Variants in EIF3B observed in about 807,000 individuals in gnomAD.
EIF3B encodes eukaryotic translation initiation factor 3 subunit 9.
Under a neutral mutation model 104.6 loss-of-function variants are expected in EIF3B, and 10 were observed. That is an observed-to-expected ratio of 0.10 (90% CI 0.06 to 0.16). EIF3B has a LOEUF of 0.16. Among genes scored for constraint, EIF3B ranks in the 10% least tolerant of loss-of-function variants. The pLI is 1.00. For missense variants in EIF3B, 1,014 were observed against 1,087.9 expected (o/e 0.93, Z 0.96); for synonymous variants, 542 against 417.2 (o/e 1.30, Z -3.65).
intron 1 of EIF3B, among the ~76,000 whole-genome samples, chr7:2,358,170 G>T (rs186168803): frequency 2.6e-5 from 4 of 151,758 alleles, no homozygotes; most frequent in Non-Finnish European, 2.9e-5. Flanking sequence ...CGCAGCCTCT[G>T]CCTCCCCGCT....
At chr7:2,360,438 T>C (rs1779668216) in intron 1 of EIF3B, among the ~76,000 whole-genome samples, 1 of 152,214 alleles carries the variant, frequency 6.6e-6, no homozygotes, top group African/African-American at 2.4e-5. Context: ...AGCTTTTCAC[T>C]GTTATTCTCC....
At chr7:2,373,101 T>C (rs1780446556) in intron 12 of EIF3B, 3 of 217,752 alleles carry the variant, frequency 1.4e-5, no homozygotes, top group Non-Finnish European at 2.7e-5. Flanking sequence ...GTCCCTGGGC[T>C]TGGGGTCACT....
intron 2 of EIF3B, 111 bp from the exon 3 acceptor site, chr7:2,362,534 C>T: frequency 7.3e-7 from 1 of 1,375,922 alleles, no homozygotes; most frequent in Non-Finnish European, 1.0e-6. Context: ...GGAAGAGCAG[C>T]ACAGATACTC....
intron 5 of EIF3B, 147 bp downstream of exon 5, chr7:2,363,907 C>A: frequency 2.1e-6 from 2 of 949,250 alleles, no homozygotes; most frequent in Non-Finnish European, 3.0e-6. Context: ...TTCTTTTATT[C>A]CTCTTCCAGC....
intron 9 of EIF3B, among the ~76,000 whole-genome samples, chr7:2,368,407 C>T (rs559125294): frequency 1.3e-5 from 2 of 152,358 alleles, no homozygotes; most frequent in African/African-American, 2.4e-5. Context: ...GCCTCAGCCT[C>T]TCAAAGTGCA....
In EIF3B at chr7:2,369,568, C is replaced by T. The variant is rs182549563; in HGVS notation, c.1500C>T (p.Thr500=). ...GGGTAACCCTGATGCAGCTCCCTAC[C>T]AGGCAAGAGATCCGAGTGAGGAACC... ...PARVTLMQLP[T]RQEIRVRNLF... Residue 500 remains threonine (T), a synonymous_variant, in exon 10 of 19, where the codon ACC becomes ACT. Coordinates refer to ENST00000360876, the MANE Select transcript of EIF3B (RefSeq NM_001037283.2). The T allele has an allele frequency of 1.1e-5, 18 of 1,614,088 alleles. No individual in the cohort carries two copies. Among genetic ancestry groups the T allele is most frequent in the Non-Finnish European group, 1.4e-5 (17 of 1,180,026 alleles).
chr7:2,372,383 C>T (rs1293305701), intron 11 of EIF3B, among the ~76,000 whole-genome samples: 2 of 152,318 alleles, frequency 1.3e-5, no homozygotes, highest in Admixed American at 6.5e-5. Context: ...GCGAGGGAAG[C>T]GGCATCCACA....
rs1445908087 is a variant in EIF3B at position 2,355,124 on chromosome 7, C to T, written c.203C>T (p.Thr68Ile). The T allele has an allele frequency of 8.6e-6, 12 of 1,401,638 alleles. No homozygotes were observed. The highest frequency in any genetic ancestry group is 3.5e-5 in the Admixed American group (1 of 28,564). 86.8% of individuals were successfully genotyped at this position (1,401,638 alleles called of 1,614,324 possible). A position where few individuals can be genotyped will look rare whatever the true frequency, so the allele number is the denominator to read the frequency against. Residue 68 changes from threonine (T) to isoleucine (I), a missense_variant, in exon 1 of 19, where the codon ACC (threonine) becomes ATC (isoleucine). Coordinates refer to ENST00000360876, the MANE Select transcript of EIF3B (RefSeq NM_001037283.2). ...AEAGPESEVRTEPAAEAEAAS... is the reference protein window; with the variant it reads ...AEAGPESEVRIEPAAEAEAAS... ...GCCGGGCCGGAGTCCGAGGTGAGGA[C>T]CGAGCCGGCGGCCGAGGCAGAGGCG...
At position 2,363,193 on chromosome 7, in the gene EIF3B, C is replaced by G. The variant is rs1554273573; in HGVS notation, c.870+66C>G. ...TGCTGCTGGGTGTGGTGGGTCACAC[C>G]TGCAATCCCAGCACTTAGGGAGGCT... On this transcript the variant is annotated intron_variant, in intron 4 of 18. Coordinates refer to ENST00000360876, the MANE Select transcript of EIF3B (RefSeq NM_001037283.2). 2.3e-5 allele frequency: 34 copies of G among 1,503,404 alleles called. No individual in the cohort carries two copies. In the South Asian group the frequency reaches 3.6e-4, roughly 16 times the overall value. The allele number at this position is 1,503,404 out of a possible 1,614,324, so 93.1% of individuals were successfully genotyped here. A position where few individuals can be genotyped will look rare whatever the true frequency, so the allele number is the denominator to read the frequency against.
chr7:2,366,896 C>A, intron 8 of EIF3B, 103 bp from the exon 9 acceptor site: 1 of 1,275,706 alleles, frequency 7.8e-7, no homozygotes, highest in South Asian at 1.3e-5. Context: ...GCCCCCTAGG[C>A]AAACTCACAT....
intron 6 of EIF3B, among the ~76,000 whole-genome samples, chr7:2,365,667 G>GTTTTTT (rs138137672): frequency 9.3e-6 from 1 of 107,852 alleles, no homozygotes; most frequent in African/African-American, 3.1e-5. Flanking sequence ...TTGTTTGTTT[G>GTTTTTT]TTTGTTTGTT....
intron 12 of EIF3B, chr7:2,373,930 A>G (rs1365492365): frequency 6.6e-6 from 1 of 152,132 alleles, no homozygotes; most frequent in African/African-American, 2.4e-5. Flanking sequence ...AGCCTGCCCC[A>G]TGCCTCTTTT....
Position 2,354,843 on chromosome 7 carries a change from C to A in EIF3B, c.-79C>A. The A allele has an allele frequency of 9.5e-7, 1 of 1,051,536 alleles. No individual in the cohort carries two copies. The highest frequency in any genetic ancestry group is 1.1e-6 in the Non-Finnish European group (1 of 872,216). The allele number at this position is 1,051,536 out of a possible 1,614,324, so 65.1% of individuals were successfully genotyped here. A position where few individuals can be genotyped will look rare whatever the true frequency, so the allele number is the denominator to read the frequency against. On this transcript the variant is annotated 5_prime_UTR_variant, in exon 1 of 19. Coordinates refer to ENST00000360876, the MANE Select transcript of EIF3B (RefSeq NM_001037283.2). ...CGCACGCACATGGCTGGGCTGTAGC[C>A]GTCGCGGCGCGCGGTGCGGCCTGGG... is the stretch of plus-strand genomic sequence containing the variant.
intron 10 of EIF3B, among the ~76,000 whole-genome samples, chr7:2,371,317 C>A (rs1175597181): frequency 6.6e-6 from 1 of 152,222 alleles, no homozygotes; most frequent in Non-Finnish European, 1.5e-5. Context: ...TGGCCTCCTT[C>A]CTCTGTTGAT....
At chr7:2,361,134 G>T (rs1337396117) in intron 2 of EIF3B, among the ~76,000 whole-genome samples, 4 of 152,184 alleles carry the variant, frequency 2.6e-5, no homozygotes, top group African/African-American at 9.7e-5. Context: ...GAATAGGCCA[G>T]CATGGTGGCT....
chr7:2,356,818 A>T (rs558119177), intron 1 of EIF3B, among the ~76,000 whole-genome samples: 1 of 152,074 alleles, frequency 6.6e-6, no homozygotes, highest in South Asian at 2.1e-4. Flanking sequence ...AAAAATAAAA[A>T]CGCTGTCAGT....
At chr7:2,374,897 C>A in intron 13 of EIF3B, 1 of 354,036 alleles carries the variant, frequency 2.8e-6, no homozygotes, top group Non-Finnish European at 5.1e-6. Context: ...TGCCTTCCAG[C>A]CATCCAGTAA....
chr7:2,367,544 G>A (rs533522934), intron 9 of EIF3B, among the ~76,000 whole-genome samples: 29 of 152,150 alleles, frequency 1.9e-4, no homozygotes, highest in Middle Eastern at 3.4e-3. Context: ...ATCTTGGCTC[G>A]CTGCAACCTC....
At chr7:2,360,663 T>C (rs550652630) in intron 1 of EIF3B, 47 bp from the exon 2 acceptor site, 1 of 1,479,944 alleles carries the variant, frequency 6.8e-7, no homozygotes, top group South Asian at 1.2e-5. Context: ...AATGTATTAA[T>C]GTTTTTCTTG....
Sources: allele counts gnomAD v4.1 joint callset (sites outside exome capture counted in the v4.1 genomes callset), GRCh38; gene constraint gnomAD v4.1.1; transcripts MANE v1.5; gene names NCBI Gene and HGNC (gene_info 2026-07-23, HGNC 2026-07-21).